FAM78B: variants seen among roughly 807,000 people sequenced by gnomAD.
FAM78B encodes the protein protein FAM78B.
A neutral mutation model predicts 20.0 loss-of-function variants in FAM78B; 10 were observed. The ratio of observed to expected loss-of-function variants is 0.50; its 90% CI spans 0.31 to 0.85. FAM78B has a LOEUF of 0.85. Ranked by LOEUF, FAM78B falls within the 40% of genes least tolerant of loss-of-function variation. The probability of loss-of-function intolerance (pLI) is 0.05; values close to 1 mark genes in which losing one functional copy is unlikely to be tolerated. For missense variants in FAM78B, 283 were observed against 345.0 expected (o/e 0.82, Z 1.42); for synonymous variants, 135 against 132.8 (o/e 1.02, Z -0.12).
At chr1:166,157,032 GC>G (rs1431029739) in intron 1 of FAM78B, among the ~76,000 whole-genome samples, 2,592 of 13,086 alleles carry the variant, frequency 0.2, 809 homozygotes, top group Admixed American at 0.56. Context: ...CAAGGGGGCG[GC>G]GGAGGGGGGG....
intron 1 of FAM78B, among the ~76,000 whole-genome samples, chr1:166,135,343 CT>C (rs1233008520): frequency 6.6e-6 from 1 of 152,220 alleles, no homozygotes; most frequent in African/African-American, 2.4e-5. Flanking sequence ...AACAATTCCT[CT>C]TTGGACAAAG....
intron 1 of FAM78B, among the ~76,000 whole-genome samples, chr1:166,161,157 CTT>C (rs201739007): frequency 2.8e-5 from 4 of 145,322 alleles, no homozygotes; most frequent in Admixed American, 6.8e-5. Flanking sequence ...GATTTTCTTT[CTT>C]TTTTTTTTTT....
intron 1 of FAM78B, among the ~76,000 whole-genome samples, chr1:166,153,814 C>T (rs941324488): frequency 1.1e-4 from 17 of 152,146 alleles, no homozygotes; most frequent in Middle Eastern, 3.4e-3. Context: ...GGTATATACT[C>T]GTCTCCCTCT....
Position 166,070,646 on chromosome 1 carries a change from G to A in FAM78B, c.381C>T (p.Pro127=), listed in dbSNP as rs1322193464. The A allele has an allele frequency of 7.4e-6, 12 of 1,613,756 alleles. No homozygotes were observed. The change falls in exon 2 of 2, where the codon CCC becomes CCT. Residue 127 remains proline, a synonymous_variant. Transcript: ENST00000354422. ...NTTETVTLVG[P]TNKISRFSVS... is the part of the protein sequence containing the mutation. ...CGGAGAACCTGGAGATCTTGTTGGT[G>A]GGGCCAACCAGGGTCACAGTTTCTG...
In FAM78B at chr1:166,166,328, G is replaced by C; in HGVS notation, c.-80C>G. On this transcript the variant is annotated 5_prime_UTR_variant, in exon 1 of 2. Transcript: ENST00000354422. ...GGCAGCCGGGGGCGCCCGTCACGCC[G>C]GCATGGCGACGCGCCGCTCGCTCCC... 4 of 1,073,278 alleles carry C rather than the reference G, an allele frequency of 3.7e-6. No individual in the cohort carries two copies. The highest frequency in any genetic ancestry group is 4.5e-6 in the Non-Finnish European group (4 of 884,862). The allele number at this position is 1,073,278 out of a possible 1,614,324, so 66.5% of individuals were successfully genotyped here. A position where few individuals can be genotyped will look rare whatever the true frequency, so the allele number is the denominator to read the frequency against.
intron 1 of FAM78B, among the ~76,000 whole-genome samples, chr1:166,098,855 G>A (rs753088837): frequency 1.1e-4 from 17 of 152,098 alleles, no homozygotes; most frequent in Non-Finnish European, 2.1e-4. Context: ...GGTTTTGCTA[G>A]AGTTAAGACC....
intron 1 of FAM78B, among the ~76,000 whole-genome samples, chr1:166,099,340 A>G (rs1406082870): frequency 6.6e-6 from 1 of 152,222 alleles, no homozygotes; most frequent in Non-Finnish European, 1.5e-5. Flanking sequence ...AATACAAGTT[A>G]AAAAGCAAAA....
intron 1 of FAM78B, among the ~76,000 whole-genome samples, chr1:166,107,106 A>T (rs1653818632): frequency 6.6e-6 from 1 of 152,108 alleles, no homozygotes; most frequent in African/African-American, 2.4e-5. Flanking sequence ...AGAAACAAGA[A>T]TAAACCAAAC....
intron 1 of FAM78B, among the ~76,000 whole-genome samples, chr1:166,125,832 ATT>A (rs34168180): frequency 3.1e-5 from 4 of 128,794 alleles, no homozygotes; most frequent in Admixed American, 1.7e-4. Flanking sequence ...GCTACTTTGA[ATT>A]TTTTTTTTTT....
intron 1 of FAM78B, among the ~76,000 whole-genome samples, chr1:166,159,681 G>A (rs1656067961): frequency 1.3e-5 from 2 of 152,092 alleles, no homozygotes; most frequent in Admixed American, 6.6e-5. Flanking sequence ...CCCATCCAGT[G>A]CCCTGGAATG....
intron 1 of FAM78B, among the ~76,000 whole-genome samples, chr1:166,112,633 G>A (rs1345796613): frequency 6.6e-6 from 1 of 152,188 alleles, no homozygotes; most frequent in Non-Finnish European, 1.5e-5. Flanking sequence ...GGAGTGGCTA[G>A]AATATGCTGG....
At chr1:166,136,487 C>T (rs1655069918) in intron 1 of FAM78B, among the ~76,000 whole-genome samples, 1 of 152,162 alleles carries the variant, frequency 6.6e-6, no homozygotes, top group African/African-American at 2.4e-5. Context: ...GCCCTCACAG[C>T]TGCTGCTGTC....
intron 1 of FAM78B, among the ~76,000 whole-genome samples, chr1:166,123,160 A>G (rs1056417454): frequency 6.6e-6 from 1 of 152,258 alleles, no homozygotes; most frequent in Admixed American, 6.5e-5. Flanking sequence ...AGTGGAGAAC[A>G]GATGTCTCTG....
At chr1:166,155,604 G>A (rs2101801959) in intron 1 of FAM78B, among the ~76,000 whole-genome samples, 1 of 152,308 alleles carries the variant, frequency 6.6e-6, no homozygotes, top group Middle Eastern at 3.4e-3. Context: ...ACTTCAACAG[G>A]AGGTTGGGGG....
At chr1:166,164,264 T>C (rs1656271587) in intron 1 of FAM78B, among the ~76,000 whole-genome samples, 1 of 152,262 alleles carries the variant, frequency 6.6e-6, no homozygotes, top group Non-Finnish European at 1.5e-5. Flanking sequence ...GAGCACTTGC[T>C]GTCCTCCAGC....
chr1:166,160,573 T>C (rs914788262), intron 1 of FAM78B, among the ~76,000 whole-genome samples: 10 of 152,234 alleles, frequency 6.6e-5, no homozygotes, highest in Non-Finnish European at 1.0e-4. Context: ...AGTTAAACTA[T>C]ATATTAGTGC....
intron 1 of FAM78B, among the ~76,000 whole-genome samples, chr1:166,105,701 A>G (rs905862435): frequency 6.6e-6 from 1 of 152,092 alleles, no homozygotes; most frequent in Non-Finnish European, 1.5e-5. Context: ...AAAAGTCAGG[A>G]AACAACAGGT....
intron 1 of FAM78B, among the ~76,000 whole-genome samples, chr1:166,152,386 T>C (rs1003933122): frequency 6.6e-6 from 1 of 152,188 alleles, no homozygotes; most frequent in Admixed American, 6.5e-5. Flanking sequence ...CGTGAGAAAC[T>C]AGGCCCACCA....
At chr1:166,121,773 A>T (rs1654472144) in intron 1 of FAM78B, among the ~76,000 whole-genome samples, 1 of 152,212 alleles carries the variant, frequency 6.6e-6, no homozygotes, top group African/African-American at 2.4e-5. Flanking sequence ...GAGGAACCTG[A>T]GACAGAGAGC....
Sources: allele counts gnomAD v4.1 joint callset (sites outside exome capture counted in the v4.1 genomes callset), GRCh38; gene constraint gnomAD v4.1.1; transcripts MANE v1.5; gene names NCBI Gene and HGNC (gene_info 2026-07-23, HGNC 2026-07-21).